ATAD3C: variants seen among roughly 807,000 people sequenced by gnomAD.
ATAD3C encodes the protein ATPase family AAA domain-containing protein 3C.
ATAD3C carries 38 observed loss-of-function variants against 46.3 expected under a neutral mutation model. The ratio of observed to expected loss-of-function variants is 0.82; its 90% CI spans 0.63 to 1.08. ATAD3C has a LOEUF of 1.08. ATAD3C is among the 50% of genes least tolerant of loss of function. The pLI, the probability that ATAD3C is intolerant of heterozygous loss-of-function variation, is 0.00. For missense variants in ATAD3C, 563 were observed against 572.7 expected, an observed-to-expected ratio of 0.98 and a Z score of 0.17; for synonymous variants, 220 against 236.4, an observed-to-expected ratio of 0.93 and a Z score of 0.63.
chr1:1,450,600 A>G lies in ATAD3C; in HGVS notation c.-84A>G. On this transcript the variant is annotated 5_prime_UTR_variant, in exon 1 of 12. Transcript: ENST00000378785. ...TCGAGGCGTGGCCGTGGATTCCAGA[A>G]AGCCCCTTGGCTGGTGTGCGTGCCT... The G allele has an allele frequency of 3.3e-6, 5 of 1,519,418 alleles. No individual in the cohort carries two copies. The highest frequency in any genetic ancestry group is 4.5e-6 in the Non-Finnish European group (5 of 1,117,730). 94.1% of individuals were successfully genotyped at this position (1,519,418 alleles called of 1,614,324 possible).
chr1:1,462,796 G>A lies in ATAD3C; in HGVS notation c.1089+88G>A, dbSNP rs772733323. 18 of 1,440,030 alleles carry A rather than the reference G, an allele frequency of 1.2e-5. No individual in the cohort carries two copies. The highest frequency in any genetic ancestry group is 1.7e-5 in the Non-Finnish European group (18 of 1,056,164). The allele number at this position is 1,440,030 out of a possible 1,614,324, so 89.2% of individuals were successfully genotyped here. A position where few individuals can be genotyped will look rare whatever the true frequency, so the allele number is the denominator to read the frequency against. On this transcript the variant is annotated intron_variant, in intron 11 of 11. Transcript: ENST00000378785. The surrounding 1 kb of genome is among the most constrained non-coding windows in gnomAD (Gnocchi z 4.5). Reference sequence around the variant, plus strand: ...GCGCCAGGCCTGTCCCAGCACCGGTGTCACGTGGGAGCTTCTGTTGAGGGG... The same window carrying A: ...GCGCCAGGCCTGTCCCAGCACCGGTATCACGTGGGAGCTTCTGTTGAGGGG...
chr1:1,469,622 T>C lies in ATAD3C; in HGVS notation c.*1092T>C, dbSNP rs1639208758. The C allele has an allele frequency of 6.6e-6, 1 of 151,328 alleles. No homozygotes were observed. The highest frequency in any genetic ancestry group is 1.5e-5 in the Non-Finnish European group (1 of 67,844). 9.4% of individuals were successfully genotyped at this position (151,328 alleles called of 1,614,324 possible). On this transcript the variant is annotated 3_prime_UTR_variant, in exon 12 of 12. Coordinates refer to ENST00000378785, the MANE Select transcript of ATAD3C (RefSeq NM_001039211.3). ...AACTCCTGGGCTCAAGCAATCCTCCTGCCTCGGCTTCCTAAAGTGTTGGGA... is the reference window on the plus strand; with the variant it reads ...AACTCCTGGGCTCAAGCAATCCTCCCGCCTCGGCTTCCTAAAGTGTTGGGA...
At position 1,462,103 on chromosome 1, in the gene ATAD3C, A is replaced by C. The variant is rs531998610; in HGVS notation, c.981-497A>C. On this transcript the variant is annotated intron_variant, in intron 10 of 11. Coordinates refer to ENST00000378785, the MANE Select transcript of ATAD3C (RefSeq NM_001039211.3). This position sits in a 1 kb window ranked among gnomAD's most constrained non-coding sequence, Gnocchi z 4.5. ...AATCCCTGCTGTCGCCAGTGACGAC[A>C]AAAGCTGCTCTGTTCCAAAGAGAGC... Among the ~76,000 whole-genome samples the C allele has an allele frequency of 6.6e-6, 1 of 152,138 alleles. No individual in the cohort carries two copies. Among genetic ancestry groups the C allele is most frequent in the East Asian group, 1.9e-4 (1 of 5,184 alleles).
At chr1:1,461,290 C>A (rs907669423) in intron 10 of ATAD3C, among the ~76,000 whole-genome samples, 3 of 152,010 alleles carry the variant, frequency 2.0e-5, no homozygotes, top group Non-Finnish European at 4.4e-5. Context: ...TGGATTCACG[C>A]GATTCTCCTG....
rs755794713 is a variant in ATAD3C at position 1,455,926 on chromosome 1, C to T, written c.564+10C>T. On this transcript the variant is annotated intron_variant, in intron 6 of 11. Coordinates refer to ENST00000378785, the MANE Select transcript of ATAD3C (RefSeq NM_001039211.3). ...GACGCTGTTTGCCAAGGTGAGAGTG[C>T]CTAGCTGAACAGGTGGGCCAGGGGC... is the stretch of plus-strand genomic sequence containing the variant. 13 of 1,612,612 alleles carry T rather than the reference C, an allele frequency of 8.1e-6. No individual in the cohort carries two copies. The East Asian group carries it at 1.3e-4, about 17-fold the overall frequency.
At chr1:1,457,653 A>G (rs1478231649) in intron 8 of ATAD3C, among the ~76,000 whole-genome samples, 4 of 149,602 alleles carry the variant, frequency 2.7e-5, no homozygotes, top group Non-Finnish European at 5.9e-5. Flanking sequence ...CTTAAAGTTA[A>G]GGTTTGGCTT....
chr1:1,461,786 G>GAGACCCCCATGTAGGGACTGGAGGGAGA (rs1639072913), intron 10 of ATAD3C, among the ~76,000 whole-genome samples: 1 of 152,026 alleles, frequency 6.6e-6, no homozygotes, highest in Admixed American at 6.6e-5. Context: ...GGCTCCTCAT[G>GAGACCCCCATGTAGGGACTGGAGGGAGA]GTCCACTGCT....
rs771856241 is a variant in ATAD3C at position 1,468,702 on chromosome 1, G to A, written c.*172G>A. ...GTTTGGGGCCCCCTAACGTCCCCCTGGGGTCAAAGGTGACAGAAAAGGCAG... is the reference window on the plus strand; with the variant it reads ...GTTTGGGGCCCCCTAACGTCCCCCTAGGGTCAAAGGTGACAGAAAAGGCAG... On this transcript the variant is annotated 3_prime_UTR_variant, in exon 12 of 12. Transcript: ENST00000378785. 8.9e-5 allele frequency: 107 copies of A among 1,199,250 alleles called. 2 individuals are homozygous for A. Among genetic ancestry groups the A allele is most frequent in the Non-Finnish European group, 1.1e-4 (96 of 855,554 alleles). 74.3% of individuals were successfully genotyped at this position (1,199,250 alleles called of 1,614,324 possible). A position where few individuals can be genotyped will look rare whatever the true frequency, so the allele number is the denominator to read the frequency against.
intron 1 of ATAD3C, among the ~76,000 whole-genome samples, chr1:1,451,364 T>C (rs887538078): frequency 2.0e-5 from 3 of 151,056 alleles, no homozygotes; most frequent in Admixed American, 6.6e-5. Flanking sequence ...TTATTTATTT[T>C]GAAACGGAGT....
chr1:1,449,933 G>C lies in ATAD3C; in HGVS notation c.-751G>C, dbSNP rs192049363. The C allele has an allele frequency of 6.6e-6, 1 of 152,010 alleles. No individual in the cohort carries two copies. Among genetic ancestry groups the C allele is most frequent in the Non-Finnish European group, 1.5e-5 (1 of 67,962 alleles). 9.4% of individuals were successfully genotyped at this position (152,010 alleles called of 1,614,324 possible). A position where few individuals can be genotyped will look rare whatever the true frequency, so the allele number is the denominator to read the frequency against. On this transcript the variant is annotated 5_prime_UTR_variant, in exon 1 of 12. Transcript: ENST00000378785. ...AGGACGTTGTCAGATGCTTGTCCTC[G>C]TCACCCTGAGCTTGTTGGCTGCTAT...
chr1:1,462,276 G>A lies in ATAD3C; in HGVS notation c.981-324G>A, dbSNP rs1396891974. Reference sequence around the variant, plus strand: ...TCTGGCACCATGACCTGGCTTCTGTGGCCTCCAGGCAGAAGCTTTTTTGCT... The same window carrying A: ...TCTGGCACCATGACCTGGCTTCTGTAGCCTCCAGGCAGAAGCTTTTTTGCT... On this transcript the variant is annotated intron_variant, in intron 10 of 11. Transcript: ENST00000378785. This position sits in a 1 kb window ranked among gnomAD's most constrained non-coding sequence, Gnocchi z 4.5. Among the ~76,000 whole-genome samples the A allele has an allele frequency of 6.6e-6, 1 of 152,000 alleles. No individual in the cohort carries two copies. Among genetic ancestry groups the A allele is most frequent in the African/African-American group, 2.4e-5 (1 of 41,414 alleles).
chr1:1,454,050 CAT>C (rs1350133370), intron 3 of ATAD3C, among the ~76,000 whole-genome samples: 17 of 152,192 alleles, frequency 1.1e-4, no homozygotes, highest in African/African-American at 3.6e-4. Flanking sequence ...GGCCCTGTGA[CAT>C]ATCCAGCTGG....
intron 11 of ATAD3C, among the ~76,000 whole-genome samples, chr1:1,463,323 C>T (rs999236462): frequency 8.5e-5 from 13 of 152,074 alleles, no homozygotes; most frequent in South Asian, 2.1e-4. Context: ...GTCTGTGGGG[C>T]AGAAGGCACC....
At chr1:1,454,576 G>C (rs909376212) in intron 4 of ATAD3C, 76 bp downstream of exon 4, 25 of 1,525,658 alleles carry the variant, frequency 1.6e-5, no homozygotes, top group Non-Finnish European at 8.7e-7. Context: ...CACAGCCCAC[G>C]CATATACTCC....
At chr1:1,452,797 C>CAAAAA (rs150422909) in intron 3 of ATAD3C, among the ~76,000 whole-genome samples, 3 of 126,426 alleles carry the variant, frequency 2.4e-5, no homozygotes, top group East Asian at 2.4e-4. Context: ...GGCTCCTTCT[C>CAAAAA]AAAAAAAAAA....
intron 9 of ATAD3C, among the ~76,000 whole-genome samples, chr1:1,460,233 C>T (rs1046025340): frequency 5.3e-4 from 81 of 152,016 alleles, no homozygotes; most frequent in Admixed American, 4.1e-3. Context: ...CCACCACACC[C>T]GGCTGATTTT....
rs759311264 is a variant in ATAD3C at position 1,456,211 on chromosome 1, CTCT to C, written c.565-9_565-7del. On this transcript the variant is annotated splice_polypyrimidine_tract_variant and intron_variant, in intron 6 of 11. Coordinates refer to ENST00000378785, the MANE Select transcript of ATAD3C (RefSeq NM_001039211.3). ...GGAACATCTGTTCTGTCTCCCCTCA[CTCT>C]TCTTGTCCAGAAACTCGCCCTGCAC... 9.3e-6 allele frequency: 14 copies of C among 1,504,018 alleles called. 2 individuals are homozygous for C. Among genetic ancestry groups the C allele is most frequent in the South Asian group, 1.3e-5 (1 of 75,210 alleles). 93.2% of individuals were successfully genotyped at this position (1,504,018 alleles called of 1,614,324 possible).
Position 1,468,567 on chromosome 1 carries a change from C to T in ATAD3C, c.*37C>T, listed in dbSNP as rs755501977. The T allele has an allele frequency of 1.5e-5, 24 of 1,585,726 alleles. No individual in the cohort carries two copies. The highest frequency in any genetic ancestry group is 9.0e-5 in the South Asian group (8 of 88,850). On this transcript the variant is annotated 3_prime_UTR_variant, in exon 12 of 12. Coordinates refer to ENST00000378785, the MANE Select transcript of ATAD3C (RefSeq NM_001039211.3). Reference sequence around the variant, plus strand: ...GACCACACCTCACGGAGCCTGGCCGCGGACCCCTCCCACCCCTGCCTTTGC... The same window carrying T: ...GACCACACCTCACGGAGCCTGGCCGTGGACCCCTCCCACCCCTGCCTTTGC...
intron 3 of ATAD3C, among the ~76,000 whole-genome samples, 189 bp from the exon 4 acceptor site, chr1:1,454,156 C>T (rs2100474864): frequency 6.6e-6 from 1 of 152,200 alleles, no homozygotes; most frequent in Non-Finnish European, 1.5e-5. Context: ...GCTGTGACTG[C>T]CCCACCTGCC....
Sources: gnomAD v4.1 joint callset for allele counts (sites outside exome capture counted in the v4.1 genomes callset) on GRCh38, gnomAD v4.1.1 for gene constraint, Gnocchi (gnomAD v3.1) non-coding constraint, MANE v1.5 for transcripts, NCBI Gene and HGNC (gene_info 2026-07-23, HGNC 2026-07-21) for gene names.